Variants in SPAST observed in about 807,000 individuals in gnomAD.
SPAST encodes spastic paraplegia 4 (autosomal dominant; spastin).
In SPAST, 30 loss-of-function variants were observed where a neutral mutation model predicts 76.6. The ratio of observed to expected loss-of-function variants is 0.39; its 90% CI spans 0.29 to 0.53. The LOEUF is 0.53. Among genes scored for constraint, SPAST ranks in the 20% least tolerant of loss-of-function variants. SPAST has a pLI of 0.68. For missense variants in SPAST, 717 were observed against 770.5 expected (o/e 0.93, Z 0.82); for synonymous variants, 305 against 281.0 (o/e 1.09, Z -0.86).
rs370480320 is a variant in SPAST at position 32,098,849 on chromosome 2, G to A, written c.640G>A (p.Asp214Asn). The change falls in exon 4 of 17, where the codon GAC (aspartate) becomes AAC (asparagine). Residue 214 changes from aspartate to asparagine, a missense_variant. Transcript: ENST00000315285. Reference protein sequence around the residue: ...FSKSQTDVYNDSTNLACRNGH... With the variant: ...FSKSQTDVYNNSTNLACRNGH... ...CAAGTCACAAACGGACGTCTATAATGACAGTACTAACTTGGCATGCCGCAA... is the reference window on the plus strand; with the variant it reads ...CAAGTCACAAACGGACGTCTATAATAACAGTACTAACTTGGCATGCCGCAA... 6.2e-7 allele frequency: 1 copy of A among 1,613,788 alleles called. No individual in the cohort carries two copies. The highest frequency in any genetic ancestry group is 8.5e-7 in the Non-Finnish European group (1 of 1,179,858).
Position 32,063,708 on chromosome 2 carries a change from C to A in SPAST, c.-124C>A. Reference sequence around the variant, plus strand: ...GCGGGCAGCGTGCGGCAGTGCGGAGCTCCTGAGACCGGCGGGCACACGGGG... The same window carrying A: ...GCGGGCAGCGTGCGGCAGTGCGGAGATCCTGAGACCGGCGGGCACACGGGG... On this transcript the variant is annotated 5_prime_UTR_variant, in exon 1 of 17. Coordinates refer to ENST00000315285, the MANE Select transcript of SPAST (RefSeq NM_014946.4). 1.5e-6 allele frequency: 2 copies of A among 1,328,404 alleles called. No individual in the cohort carries two copies. The highest frequency in any genetic ancestry group is 2.0e-6 in the Non-Finnish European group (2 of 983,856). The allele number at this position is 1,328,404 out of a possible 1,614,324, so 82.3% of individuals were successfully genotyped here. A position where few individuals can be genotyped will look rare whatever the true frequency, so the allele number is the denominator to read the frequency against.
chr2:32,080,783 C>CTTTTTT lies in SPAST; in HGVS notation c.416-6685_416-6680dup, dbSNP rs1162817708. The stretch of plus-strand genomic sequence containing the variant: ...AGTTCTTGTATGGTCTGGCTCAGTT[C>CTTTTTT]TTTTTTTTTTTTTTTTTTTTTTTTT... On this transcript the variant is annotated intron_variant, in intron 1 of 16. Coordinates refer to ENST00000315285, the MANE Select transcript of SPAST (RefSeq NM_014946.4). Among the ~76,000 whole-genome samples the CTTTTTT allele has an allele frequency of 3.3e-3, 158 of 48,464 alleles. 20 individuals are homozygous for CTTTTTT. Among genetic ancestry groups the CTTTTTT allele is most frequent in the African/African-American group, 3.9e-3 (48 of 12,334 alleles). 31.8% of individuals were successfully genotyped at this position (48,464 alleles called of 152,430 possible). A position where few individuals can be genotyped will look rare whatever the true frequency, so the allele number is the denominator to read the frequency against.
chr2:32,084,556 A>G (rs772166874), intron 1 of SPAST, among the ~76,000 whole-genome samples: 21 of 152,024 alleles, frequency 1.4e-4, no homozygotes, highest in Non-Finnish European at 2.9e-4. Context: ...TGAAATGTTG[A>G]AAAACTGGAA....
intron 12 of SPAST, among the ~76,000 whole-genome samples, chr2:32,138,177 A>G (rs1209903693): frequency 6.6e-6 from 1 of 152,244 alleles, no homozygotes; most frequent in African/African-American, 2.4e-5. Flanking sequence ...GTATATACCC[A>G]GTAATGGGAT....
At chr2:32,089,484 G>T in intron 2 of SPAST, 38 bp from the exon 3 acceptor site, 1 of 1,109,734 alleles carries the variant, frequency 9.0e-7, no homozygotes. Context: ...AATATTAGTT[G>T]GGAAATGTAG....
chr2:32,151,898 C>G (rs183672876), intron 16 of SPAST, among the ~76,000 whole-genome samples: 1 of 147,302 alleles, frequency 6.8e-6, no homozygotes, highest in Non-Finnish European at 1.5e-5. Flanking sequence ...GCGACAGGAG[C>G]GAGACTCCAT....
chr2:32,120,036 T>C (rs961592445), intron 7 of SPAST, among the ~76,000 whole-genome samples: 1 of 152,022 alleles, frequency 6.6e-6, no homozygotes, highest in Non-Finnish European at 1.5e-5. Flanking sequence ...CTTTTTTTTT[T>C]TTTGATTGAG....
Position 32,156,260 on chromosome 2 carries a change from C to T in SPAST, c.*1764C>T, listed in dbSNP as rs1680249037. On this transcript the variant is annotated 3_prime_UTR_variant, in exon 17 of 17. Transcript: ENST00000315285. ...CCATGTTGGTCAGGCTGGTCTTGAA[C>T]TCCTGACCTCAGGTGATCCGCCTGC... 6.6e-6 allele frequency: 1 copy of T among 152,224 alleles called. No individual in the cohort carries two copies. Among genetic ancestry groups the T allele is most frequent in the East Asian group, 1.9e-4 (1 of 5,196 alleles). The allele number at this position is 152,224 out of a possible 1,614,324, so 9.4% of individuals were successfully genotyped here. A position where few individuals can be genotyped will look rare whatever the true frequency, so the allele number is the denominator to read the frequency against.
chr2:32,114,788 T>G lies in SPAST; in HGVS notation c.833T>G (p.Val278Gly). The G allele has an allele frequency of 6.2e-7, 1 of 1,614,066 alleles. No individual in the cohort carries two copies. Among genetic ancestry groups the G allele is most frequent in the Non-Finnish European group, 8.5e-7 (1 of 1,179,980 alleles). Reference protein sequence around the residue: ...SYSGLSMVSGVKQGSGPAPTT... With the variant: ...SYSGLSMVSGGKQGSGPAPTT... Reference sequence around the variant, plus strand: ...AGTGGTTTATCCATGGTTTCTGGAGTGAAACAGGGATCTGGTCCTGCTCCT... The same window carrying G: ...AGTGGTTTATCCATGGTTTCTGGAGGGAAACAGGGATCTGGTCCTGCTCCT... The change falls in exon 5 of 17, where the codon GTG (valine) becomes GGG (glycine). Residue 278 changes from valine to glycine, a missense_variant. Val to Gly is a moderately radical substitution (Grantham distance 109). Transcript: ENST00000315285.
chr2:32,090,016 G>C (rs563014914), intron 3 of SPAST, among the ~76,000 whole-genome samples: 1 of 152,158 alleles, frequency 6.6e-6, no homozygotes, highest in African/African-American at 2.4e-5. Context: ...CACCCGCCTC[G>C]GCCTCCCGAA....
At chr2:32,106,889 G>GAA (rs770702459) in intron 4 of SPAST, among the ~76,000 whole-genome samples, 4 of 136,982 alleles carry the variant, frequency 2.9e-5, no homozygotes, top group Admixed American at 7.4e-5. Context: ...GGCACTTACT[G>GAA]AAAAAAAAAA....
chr2:32,117,944 T>TTAA (rs1253363975), intron 7 of SPAST, among the ~76,000 whole-genome samples: 3 of 152,198 alleles, frequency 2.0e-5, no homozygotes, highest in African/African-American at 7.2e-5. Flanking sequence ...TTATGACTTA[T>TTAA]TAAGGAAGAT....
chr2:32,089,913 G>T (rs369083419), intron 3 of SPAST, among the ~76,000 whole-genome samples: 1 of 151,954 alleles, frequency 6.6e-6, no homozygotes, highest in Non-Finnish European at 1.5e-5. Flanking sequence ...ACAGGCACCC[G>T]CCACCACGCC....
At chr2:32,142,067 A>C (rs1204470941) in intron 13 of SPAST, 121 bp downstream of exon 13, 1 of 812,054 alleles carries the variant, frequency 1.2e-6, no homozygotes, top group African/African-American at 1.7e-5. Flanking sequence ...GTGGTTTCTT[A>C]AAAAGATGTA....
intron 1 of SPAST, among the ~76,000 whole-genome samples, chr2:32,081,003 G>T (rs1384561025): frequency 1.3e-5 from 2 of 149,956 alleles, no homozygotes; most frequent in East Asian, 3.9e-4. Context: ...TTGTCACCCA[G>T]CCTGGAGTGC....
chr2:32,122,212 C>T (rs1259989842), intron 7 of SPAST, among the ~76,000 whole-genome samples: 1 of 152,080 alleles, frequency 6.6e-6, no homozygotes, highest in Non-Finnish European at 1.5e-5. Context: ...ATTTTCTAGT[C>T]TCTTGTTTGG....
rs779111942 is a variant in SPAST at position 32,157,170 on chromosome 2, T to C, written c.*2674T>C. ...TTAAACATTAAGCATTAGTGTGCTC[T>C]TCATGTTAATATGGCAGAGTTTTGT... On this transcript the variant is annotated 3_prime_UTR_variant, in exon 17 of 17. Coordinates refer to ENST00000315285, the MANE Select transcript of SPAST (RefSeq NM_014946.4). The C allele has an allele frequency of 3.3e-5, 5 of 152,654 alleles. No homozygotes were observed. Among genetic ancestry groups the C allele is most frequent in the Non-Finnish European group, 7.4e-5 (5 of 68,026 alleles). 9.5% of individuals were successfully genotyped at this position (152,654 alleles called of 1,614,324 possible).
At position 32,098,836 on chromosome 2, in the gene SPAST, G is replaced by A. The variant is rs1192920213; in HGVS notation, c.627G>A (p.Thr209=). 6.8e-6 allele frequency: 11 copies of A among 1,613,540 alleles called. No individual in the cohort carries two copies. Among genetic ancestry groups the A allele is most frequent in the East Asian group, 6.7e-5 (3 of 44,840 alleles). ...TTTTGCCATTTTCCAAGTCACAAACGGACGTCTATAATGACAGTACTAACT... is the reference window on the plus strand; with the variant it reads ...TTTTGCCATTTTCCAAGTCACAAACAGACGTCTATAATGACAGTACTAACT... ...QPVLPFSKSQ[T]DVYNDSTNLA... Residue 209 remains threonine, a synonymous_variant, in exon 4 of 17, where the codon ACG becomes ACA. Transcript: ENST00000315285.
Position 32,155,117 on chromosome 2 carries a change from T to A in SPAST, c.*621T>A, listed in dbSNP as rs1219022774. On this transcript the variant is annotated 3_prime_UTR_variant, in exon 17 of 17. Transcript: ENST00000315285. ...AAACAATTGTTGTGTTCTTTTTACC[T>A]TTTATTTTTCTATTACCTTGCTACC... The A allele has an allele frequency of 6.5e-6, 1 of 153,148 alleles. No individual in the cohort carries two copies. Among genetic ancestry groups the A allele is most frequent in the East Asian group, 1.9e-4 (1 of 5,208 alleles). The allele number at this position is 153,148 out of a possible 1,614,324, so 9.5% of individuals were successfully genotyped here.
Sources: allele counts gnomAD v4.1 joint callset (sites outside exome capture counted in the v4.1 genomes callset), GRCh38; gene constraint gnomAD v4.1.1; transcripts MANE v1.5; gene names NCBI Gene and HGNC (gene_info 2026-07-23, HGNC 2026-07-21).